Variants in CNTNAP2 observed in about 807,000 individuals in gnomAD.
CNTNAP2 encodes contactin-associated protein-like 2.
A neutral mutation model predicts 155.2 loss-of-function variants in CNTNAP2; 98 were observed. The observed-to-expected ratio is 0.63, with a 90% CI of 0.54 to 0.75. The LOEUF (loss-of-function observed/expected upper bound fraction) is 0.75, where lower values mean the gene tolerates loss of function less well. Among genes scored for constraint, CNTNAP2 ranks in the 30% least tolerant of loss-of-function variants. The pLI, the probability that CNTNAP2 is intolerant of heterozygous loss-of-function variation, is 0.00. For synonymous variants in CNTNAP2, 651 were observed against 631.2 expected, an observed-to-expected ratio of 1.03 and a Z score of -0.47; for missense variants, 1,727 against 1,688.1, an observed-to-expected ratio of 1.02 and a Z score of -0.40.
intron 15 of CNTNAP2, among the ~76,000 whole-genome samples, chr7:148,083,839 C>T (rs1268040970): frequency 1.3e-5 from 2 of 152,140 alleles, no homozygotes; most frequent in Non-Finnish European, 2.9e-5. Flanking sequence ...CTTTATCTGT[C>T]ACTTGTGTTA....
chr7:146,929,208 C>T (rs71530765), intron 3 of CNTNAP2, among the ~76,000 whole-genome samples: 3,493 of 152,302 alleles, frequency 0.023, 54 homozygotes, highest in Non-Finnish European at 0.034. Flanking sequence ...CAGACTGACA[C>T]CTCACACGGC....
At chr7:146,732,125 T>A (rs1801536649) in intron 1 of CNTNAP2, among the ~76,000 whole-genome samples, 1 of 152,132 alleles carries the variant, frequency 6.6e-6, no homozygotes, top group Non-Finnish European at 1.5e-5. Context: ...ACATTTAACA[T>A]CAGAATTTGA....
chr7:147,096,870 A>C (rs992206929), intron 4 of CNTNAP2, among the ~76,000 whole-genome samples: 6 of 152,218 alleles, frequency 3.9e-5, no homozygotes, highest in Admixed American at 1.3e-4. Flanking sequence ...AGCAGACCAC[A>C]GAGTACTGTT....
At chr7:147,622,655 T>C (rs940210587) in intron 12 of CNTNAP2, among the ~76,000 whole-genome samples, 2 of 151,982 alleles carry the variant, frequency 1.3e-5, no homozygotes, top group African/African-American at 4.8e-5. Context: ...GGAAAGTTTA[T>C]AGCTATAACT....
At chr7:147,064,983 G>A (rs780150113) in intron 4 of CNTNAP2, among the ~76,000 whole-genome samples, 1 of 152,080 alleles carries the variant, frequency 6.6e-6, no homozygotes, top group South Asian at 2.1e-4. Context: ...GTATTTAAAT[G>A]CCTCTGAAAT....
chr7:148,287,117 A>G (rs1394949719), intron 21 of CNTNAP2, among the ~76,000 whole-genome samples: 1 of 152,014 alleles, frequency 6.6e-6, no homozygotes, highest in Admixed American at 6.6e-5. Flanking sequence ...GCAACTACTG[A>G]TCTTTTTCCT....
At chr7:147,932,692 A>C (rs901371614) in intron 14 of CNTNAP2, among the ~76,000 whole-genome samples, 2 of 152,216 alleles carry the variant, frequency 1.3e-5, no homozygotes, top group East Asian at 1.9e-4. Context: ...AAACAACAAA[A>C]GCAAAAACAG....
intron 1 of CNTNAP2, among the ~76,000 whole-genome samples, chr7:146,660,552 C>G (rs552257072): frequency 6.6e-6 from 1 of 152,258 alleles, no homozygotes; most frequent in African/African-American, 2.4e-5. Context: ...CAATAAATAG[C>G]AGATGTTTTA....
At chr7:146,614,775 G>A (rs1799197000) in intron 1 of CNTNAP2, among the ~76,000 whole-genome samples, 1 of 152,102 alleles carries the variant, frequency 6.6e-6, no homozygotes. Flanking sequence ...AAGTTATATA[G>A]TACCACTAAC....
intron 20 of CNTNAP2, among the ~76,000 whole-genome samples, chr7:148,234,717 C>G (rs181421591): frequency 6.6e-6 from 1 of 152,300 alleles, no homozygotes; most frequent in Admixed American, 6.5e-5. Flanking sequence ...TGAGATGATG[C>G]AGCTTTCTGA....
At chr7:146,499,674 G>C (rs539078648) in intron 1 of CNTNAP2, among the ~76,000 whole-genome samples, 2 of 151,206 alleles carry the variant, frequency 1.3e-5, no homozygotes, top group South Asian at 2.1e-4. Context: ...TCCTACTTAT[G>C]AGTGAGAACA....
At chr7:147,931,610 A>T (rs1032109702) in intron 14 of CNTNAP2, among the ~76,000 whole-genome samples, 1 of 152,202 alleles carries the variant, frequency 6.6e-6, no homozygotes, top group Non-Finnish European at 1.5e-5. Flanking sequence ...AGGTAGGAAG[A>T]AGGATGTTTC....
At chr7:148,133,390 A>T (rs189575740) in intron 16 of CNTNAP2, among the ~76,000 whole-genome samples, 335 of 152,280 alleles carry the variant, frequency 2.2e-3, no homozygotes, top group Admixed American at 6.6e-3. Context: ...TGAACCTGGG[A>T]GGTGGAGGTT....
chr7:146,464,451 A>G (rs1796687372), intron 1 of CNTNAP2, among the ~76,000 whole-genome samples: 3 of 152,124 alleles, frequency 2.0e-5, no homozygotes, highest in Admixed American at 1.3e-4. Flanking sequence ...CTTATTTGTT[A>G]ACTCATCTGC....
At chr7:146,403,986 G>A (rs10226676) in intron 1 of CNTNAP2, among the ~76,000 whole-genome samples, 12,539 of 150,906 alleles carry the variant, frequency 0.083, 581 homozygotes, top group Middle Eastern at 0.12. Flanking sequence ...TTAGCCGGGC[G>A]TAGTGGCGGG....
At chr7:148,081,492 C>A (rs1563192872) in intron 15 of CNTNAP2, among the ~76,000 whole-genome samples, 1 of 152,048 alleles carries the variant, frequency 6.6e-6, no homozygotes, top group Admixed American at 6.6e-5. Flanking sequence ...GCCTAGCCTC[C>A]CAGCCTACCT....
chr7:146,134,725 G>A (rs1192456250), intron 1 of CNTNAP2, among the ~76,000 whole-genome samples: 36 of 151,114 alleles, frequency 2.4e-4, no homozygotes, highest in South Asian at 2.1e-3. Flanking sequence ...ATTGATTTGC[G>A]TATATTGAAC....
chr7:147,412,694 A>G (rs1465474625), intron 10 of CNTNAP2, among the ~76,000 whole-genome samples: 1 of 152,220 alleles, frequency 6.6e-6, no homozygotes, highest in Non-Finnish European at 1.5e-5. Flanking sequence ...TAAAGAAGGA[A>G]AAGAACAATT....
intron 8 of CNTNAP2, among the ~76,000 whole-genome samples, chr7:147,235,831 C>T (rs1426393669): frequency 6.6e-6 from 1 of 151,532 alleles, no homozygotes; most frequent in East Asian, 1.9e-4. Flanking sequence ...TCAAGGTCCT[C>T]CCAGTAGATG....
Sources: gnomAD v4.1 joint callset for allele counts (sites outside exome capture counted in the v4.1 genomes callset) on GRCh38, gnomAD v4.1.1 for gene constraint, MANE v1.5 for transcripts, NCBI Gene and HGNC (gene_info 2026-07-23, HGNC 2026-07-21) for gene names.